Variants in FAM120AOS observed in about 807,000 individuals in gnomAD.
FAM120AOS encodes family with sequence similarity 120 member A opposite strand.
FAM120AOS carries 15 observed loss-of-function variants against 20.2 expected under a neutral mutation model. The observed-to-expected ratio is 0.74, with a 90% CI of 0.50 to 1.15. The LOEUF (loss-of-function observed/expected upper bound fraction) is 1.15, where lower values mean the gene tolerates loss of function less well. FAM120AOS is among the 50% of genes most tolerant of loss of function. The pLI, the probability that FAM120AOS is intolerant of heterozygous loss-of-function variation, is 0.00. For synonymous variants in FAM120AOS, 154 were observed against 154.0 expected (o/e 1.00, Z 0.00); for missense variants, 327 against 351.9 (o/e 0.93, Z 0.57).
chr9:93,447,310 C>G lies in FAM120AOS; in HGVS notation c.*301G>C. 1 of 293,300 alleles carries G rather than the reference C, an allele frequency of 3.4e-6. No individual in the cohort carries two copies. Among genetic ancestry groups the G allele is most frequent in the South Asian group, 6.9e-5 (1 of 14,460 alleles). The allele number at this position is 293,300 out of a possible 1,614,324, so 18.2% of individuals were successfully genotyped here. ...GGTTATGTTTTCTTCATCTCCATAT[C>G]CCCAGTAGCTGGCCAATGCCCAGTA... is the stretch of plus-strand genomic sequence containing the variant. On this transcript the variant is annotated 3_prime_UTR_variant, in exon 3 of 3. Coordinates refer to ENST00000375412, the MANE Select transcript of FAM120AOS (RefSeq NM_198841.4).
intron 1 of FAM120AOS, chr9:93,451,670 AGCCTCG>A (rs1171545170): frequency 2.7e-4 from 261 of 960,870 alleles, no homozygotes; most frequent in East Asian, 5.0e-4. Context: ...CCCGGCCCTC[AGCCTCG>A]GCCTCGGCCT....
intron 1 of FAM120AOS, 163 bp downstream of exon 1, chr9:93,451,984 G>A (rs751826528): frequency 6.5e-7 from 1 of 1,546,042 alleles, no homozygotes; most frequent in Admixed American, 2.0e-5. Flanking sequence ...CGGTGGAGCT[G>A]CAGAAGCTGG....
rs774079239 is a variant in FAM120AOS, at chr9:93,446,187, CCTTT to C, written c.*1420_*1423del. ...GAGCTCTCGTCAACCCTGACCTCTT[CCTTT>C]GTCAGCAAGGTCAAACGCCTGAGCC... On this transcript the variant is annotated 3_prime_UTR_variant, in exon 3 of 3. Coordinates refer to ENST00000375412, the MANE Select transcript of FAM120AOS (RefSeq NM_198841.4). 2.6e-5 allele frequency among the ~76,000 whole-genome samples: 4 copies of C among 152,338 alleles called. No homozygotes were observed. The highest frequency in any genetic ancestry group is 1.9e-4 in the East Asian group (1 of 5,186).
intron 1 of FAM120AOS, chr9:93,450,862 G>C: frequency 1.1e-6 from 1 of 909,398 alleles, no homozygotes; most frequent in South Asian, 1.4e-5. Flanking sequence ...CCTCAGAAGA[G>C]CTGGGAGATC....
intron 2 of FAM120AOS, among the ~76,000 whole-genome samples, chr9:93,448,926 A>G (rs1289112970): frequency 6.6e-6 from 1 of 152,042 alleles, no homozygotes; most frequent in Non-Finnish European, 1.5e-5. Flanking sequence ...CCCGGCCCAG[A>G]TGTTTATTTT....
At chr9:93,450,635 G>C (rs371620525) in intron 1 of FAM120AOS, 36 bp from the exon 2 acceptor site, 24 of 1,608,818 alleles carry the variant, frequency 1.5e-5, no homozygotes, top group Non-Finnish European at 2.0e-5. Flanking sequence ...ATGAAGGTAA[G>C]TAAAAGCGGC....
chr9:93,450,541 T>TG lies in FAM120AOS; in HGVS notation c.621dup (p.Ser208GlnfsTer30). 1 of 1,606,586 alleles carries TG rather than the reference T, an allele frequency of 6.2e-7. No homozygotes were observed. Among genetic ancestry groups the TG allele is most frequent in the African/African-American group, 1.3e-5 (1 of 74,552 alleles). ...CCGTGCGCGTGCAGGCTCCATGTGC[T>TG]GGGCAGCAGCTGTCCGGCCACAGCC... On this transcript the variant is annotated frameshift_variant, in exon 2 of 3. Coordinates refer to ENST00000375412, the MANE Select transcript of FAM120AOS (RefSeq NM_198841.4). LOFTEE classifies it high-confidence loss of function.
At position 93,445,593 on chromosome 9, in the gene FAM120AOS, T is replaced by TTTG. The variant is rs1856821909; in HGVS notation, c.*2017_*2018insCAA. ...TTCATAAAAATCGTTGTTTTTTTTT[T>TTTG]TTTTTTTTTTTTTTGAGACAAGGCC... On this transcript the variant is annotated 3_prime_UTR_variant, in exon 3 of 3. Transcript: ENST00000375412. 1.4e-5 allele frequency among the ~76,000 whole-genome samples: 2 copies of TTTG among 143,174 alleles called. No individual in the cohort carries two copies. Among genetic ancestry groups the TTTG allele is most frequent in the Non-Finnish European group, 3.0e-5 (2 of 65,758 alleles). The allele number at this position is 143,174 out of a possible 152,430, so 93.9% of individuals were successfully genotyped here. A position where few individuals can be genotyped will look rare whatever the true frequency, so the allele number is the denominator to read the frequency against.
rs1400037398 is a variant in FAM120AOS at position 93,445,404 on chromosome 9, A to T, written c.*2207T>A. Among the ~76,000 whole-genome samples the T allele has an allele frequency of 6.6e-6, 1 of 152,044 alleles. No individual in the cohort carries two copies. The highest frequency in any genetic ancestry group is 1.5e-5 in the Non-Finnish European group (1 of 68,008). On this transcript the variant is annotated 3_prime_UTR_variant, in exon 3 of 3. Coordinates refer to ENST00000375412, the MANE Select transcript of FAM120AOS (RefSeq NM_198841.4). ...CACTGCCAGGCTGGGGACTCTTAGT[A>T]CCTAAGTTTGGTCCATTCTACTCTT...
In FAM120AOS at chr9:93,452,281, C is replaced by T. The variant is rs767874895; in HGVS notation, c.429G>A (p.Thr143=). 3.7e-6 allele frequency: 6 copies of T among 1,612,668 alleles called. No homozygotes were observed. Among genetic ancestry groups the T allele is most frequent in the South Asian group, 1.1e-5 (1 of 91,044 alleles). The change falls in exon 1 of 3, where the codon ACG becomes ACA. Residue 143 remains threonine (T), a synonymous_variant. Transcript: ENST00000375412. The surrounding 1 kb of genome is among the most constrained non-coding windows in gnomAD (Gnocchi z 7.0). ...ACGAGCGCCAGACGGCACAGCAGAT[C>T]GTCAGCCATGTCCAGAACAAGGGCA... ...GGVPLFWTWL[T]ICCAVWRSLP...
At chr9:93,449,056 AAAGTTT>A (rs1472780224) in intron 2 of FAM120AOS, among the ~76,000 whole-genome samples, 1 of 135,040 alleles carries the variant, frequency 7.4e-6, no homozygotes, top group Non-Finnish European at 1.6e-5. Context: ...CTCAATAAAT[AAAGTTT>A]TTTTTTTTTT....
chr9:93,452,449 T>G lies in FAM120AOS; in HGVS notation c.261A>C (p.Gly87=). 1 of 1,555,286 alleles carries G rather than the reference T, an allele frequency of 6.4e-7. No homozygotes were observed. The highest frequency in any genetic ancestry group is 8.7e-7 in the Non-Finnish European group (1 of 1,153,120). The part of the protein sequence containing the change: ...RHGRATFCAL[G]RGIGVRRGPG... ...GGCCGCGCCGCACCCCTATCCCCCTTCCCAGGGCGCAGAATGTCGCCCGGC... is the reference window on the plus strand; with the variant it reads ...GGCCGCGCCGCACCCCTATCCCCCTGCCCAGGGCGCAGAATGTCGCCCGGC... Residue 87 remains glycine (G), a synonymous_variant, in exon 1 of 3, where the codon GGA becomes GGC. Coordinates refer to ENST00000375412, the MANE Select transcript of FAM120AOS (RefSeq NM_198841.4). This position sits in a 1 kb window ranked among gnomAD's most constrained non-coding sequence, Gnocchi z 7.0.
At chr9:93,451,217 G>A in intron 1 of FAM120AOS, 3 of 1,527,960 alleles carry the variant, frequency 2.0e-6, no homozygotes, top group South Asian at 1.2e-5. Flanking sequence ...GCGAGCCGAC[G>A]GCGGCGTTAG....
rs553868255 is a variant in FAM120AOS at position 93,452,508 on chromosome 9, C to T, written c.202G>A (p.Ala68Thr). Residue 68 changes from alanine to threonine, a missense_variant, in exon 1 of 3, where the codon GCT (alanine) becomes ACT (threonine). Ala to Thr is a moderately conservative substitution (Grantham distance 58). This residue lies in a region of FAM120AOS where 155 missense variants were observed against 128.8 expected (regional missense o/e 1.20). Transcript: ENST00000375412. The surrounding 1 kb of genome is among the most constrained non-coding windows in gnomAD (Gnocchi z 7.0). ...PGPARLSRAR[A>T]GGTRCPQRRH... Reference sequence around the variant, plus strand: ...CGCTGGGGGCAGCGAGTTCCCCCAGCCCTTGCCCGGGATAGCCTGGCCGGG... The same window carrying T: ...CGCTGGGGGCAGCGAGTTCCCCCAGTCCTTGCCCGGGATAGCCTGGCCGGG... 27 of 1,549,276 alleles carry T rather than the reference C, an allele frequency of 1.7e-5. No individual in the cohort carries two copies. In the East Asian group the frequency reaches 5.0e-4, roughly 29 times the overall value.
chr9:93,444,458 G>GA lies in FAM120AOS; in HGVS notation c.*3152dup, dbSNP rs1441958404. 4.6e-5 allele frequency among the ~76,000 whole-genome samples: 7 copies of GA among 152,336 alleles called. No individual in the cohort carries two copies. In the East Asian group the frequency reaches 1.2e-3, roughly 25 times the overall value. On this transcript the variant is annotated 3_prime_UTR_variant, in exon 3 of 3. Transcript: ENST00000375412. The stretch of plus-strand genomic sequence containing the variant: ...GCCCCCATTTACCAGAATGTTTTAA[G>GA]AAAGTTCCAGACTGTTTTCCCATCA...
chr9:93,447,571 T>C lies in FAM120AOS; in HGVS notation c.*40A>G, dbSNP rs758012776. 2 of 1,582,034 alleles carry C rather than the reference T, an allele frequency of 1.3e-6. No individual in the cohort carries two copies. The highest frequency in any genetic ancestry group is 1.7e-6 in the Non-Finnish European group (2 of 1,152,228). ...ACACGATGGGTATCAGGGTGGTTTC[T>C]TGTCCTTTCAATGCCTCTGCAGAAC... On this transcript the variant is annotated 3_prime_UTR_variant, in exon 3 of 3. Coordinates refer to ENST00000375412, the MANE Select transcript of FAM120AOS (RefSeq NM_198841.4).
intron 1 of FAM120AOS, chr9:93,450,934 C>G (rs1857129441): frequency 1.4e-5 from 18 of 1,288,220 alleles, no homozygotes; most frequent in Middle Eastern, 1.8e-4. Flanking sequence ...CTTTCCCACG[C>G]TGCAACAGAC....
chr9:93,451,513 C>T (rs1857191023), intron 1 of FAM120AOS: 1 of 1,005,460 alleles, frequency 9.9e-7, no homozygotes, highest in African/African-American at 1.7e-5. Flanking sequence ...CGTCCCGGCC[C>T]AACTCCGGGC....
intron 1 of FAM120AOS, chr9:93,451,805 C>G (rs1340199279): frequency 2.1e-6 from 2 of 973,520 alleles, no homozygotes; most frequent in East Asian, 1.2e-4. Context: ...CGCCCCAGTC[C>G]CCCCTAGAGG....
Sources: allele counts gnomAD v4.1 joint callset (sites outside exome capture counted in the v4.1 genomes callset), GRCh38; gene constraint gnomAD v4.1.1; regional missense constraint gnomAD v4.1.1; non-coding constraint Gnocchi (gnomAD v3.1); transcripts MANE v1.5; gene names NCBI Gene and HGNC (gene_info 2026-07-23, HGNC 2026-07-21).